The following IGF2BP2 variants were observed in gnomAD, a reference collection of about 807,000 sequenced individuals.
IGF2BP2 encodes the protein insulin-like growth factor 2 mRNA-binding protein 2.
In IGF2BP2, 17 loss-of-function variants were observed where a neutral mutation model predicts 75.8. The observed-to-expected ratio is 0.22, with a 90% CI of 0.15 to 0.34. The LOEUF (loss-of-function observed/expected upper bound fraction) is 0.34. Ranked by LOEUF, IGF2BP2 falls within the 10% of genes least tolerant of loss-of-function variation. IGF2BP2 has a pLI of 1.00. For synonymous variants in IGF2BP2, 288 were observed against 295.6 expected (o/e 0.97, Z 0.26); for missense variants, 516 against 772.4 (o/e 0.67, Z 3.93).
intron 2 of IGF2BP2, among the ~76,000 whole-genome samples, chr3:185,792,330 C>A (rs11925294): frequency 6.6e-6 from 1 of 151,884 alleles, no homozygotes; most frequent in Non-Finnish European, 1.5e-5. Context: ...CAGGGCTGGG[C>A]GGGGTGGCTC....
At chr3:185,779,722 G>T (rs980440879) in intron 2 of IGF2BP2, among the ~76,000 whole-genome samples, 5 of 151,782 alleles carry the variant, frequency 3.3e-5, no homozygotes, top group Admixed American at 6.6e-5. Context: ...AAAAGCACTG[G>T]TCTACTCTAG....
chr3:185,709,672 C>T (rs1377127532), intron 2 of IGF2BP2, among the ~76,000 whole-genome samples: 1 of 152,230 alleles, frequency 6.6e-6, no homozygotes, highest in East Asian at 1.9e-4. Flanking sequence ...TTAAATTCAT[C>T]TATAATATAG....
At chr3:185,732,694 A>G (rs1337080168) in intron 2 of IGF2BP2, among the ~76,000 whole-genome samples, 1 of 152,234 alleles carries the variant, frequency 6.6e-6, no homozygotes. Flanking sequence ...ATTTTTAATA[A>G]AATGAAGAGT....
At chr3:185,736,627 A>T (rs1728883802) in intron 2 of IGF2BP2, among the ~76,000 whole-genome samples, 1 of 152,194 alleles carries the variant, frequency 6.6e-6, no homozygotes, top group Non-Finnish European at 1.5e-5. Context: ...ACAATAAGAG[A>T]ACATCTCTGC....
At chr3:185,717,240 G>A (rs372593353) in intron 2 of IGF2BP2, 22 of 171,016 alleles carry the variant, frequency 1.3e-4, no homozygotes, top group East Asian at 6.6e-4. Context: ...CAGGACCAAC[G>A]GGCACATGGC....
At chr3:185,758,602 A>G (rs944769181) in intron 2 of IGF2BP2, among the ~76,000 whole-genome samples, 1 of 152,236 alleles carries the variant, frequency 6.6e-6, no homozygotes, top group Non-Finnish European at 1.5e-5. Flanking sequence ...TGATATCTGT[A>G]ATGTTGGGCA....
At chr3:185,816,777 T>C (rs531937944) in intron 2 of IGF2BP2, among the ~76,000 whole-genome samples, 14 of 152,350 alleles carry the variant, frequency 9.2e-5, no homozygotes, top group Middle Eastern at 3.4e-3. Flanking sequence ...GCATCAGTAC[T>C]GTATGAATAT....
chr3:185,731,650 G>A (rs987221333), intron 2 of IGF2BP2, among the ~76,000 whole-genome samples: 6 of 151,924 alleles, frequency 3.9e-5, no homozygotes, highest in Admixed American at 2.6e-4. Context: ...ATTTCTTATC[G>A]GTCTTTAAGG....
At chr3:185,660,254 T>C (rs1240232585) in intron 10 of IGF2BP2, among the ~76,000 whole-genome samples, 3 of 152,170 alleles carry the variant, frequency 2.0e-5, no homozygotes, top group Admixed American at 6.5e-5. Flanking sequence ...CCCTGCAAGA[T>C]AGTCCTCCAG....
intron 2 of IGF2BP2, chr3:185,713,295 A>T (rs1725088905): frequency 2.5e-6 from 1 of 398,850 alleles, no homozygotes; most frequent in South Asian, 1.9e-5. Flanking sequence ...TCCACTTGTT[A>T]TTGCGACTTT....
intron 14 of IGF2BP2, among the ~76,000 whole-genome samples, chr3:185,648,041 C>T (rs1432200502): frequency 2.0e-5 from 3 of 152,258 alleles, no homozygotes; most frequent in African/African-American, 7.2e-5. Context: ...TGCCCTGGAG[C>T]GCCGACTGCA....
Position 185,735,902 on chromosome 3 carries a change from AAAG to A in IGF2BP2, c.240-37558_240-37556del, listed in dbSNP as rs561802984. ...GAATGGGGGGTGGGATAGTGACACCAAAGAAGACCACAGAAAACGGGGGAGAAG... is the reference window on the plus strand; with the variant it reads ...GAATGGGGGGTGGGATAGTGACACCAAAGACCACAGAAAACGGGGGAGAAG... On this transcript the variant is annotated intron_variant, in intron 2 of 15. Coordinates refer to ENST00000382199, the MANE Select transcript of IGF2BP2 (RefSeq NM_006548.6). Among the ~76,000 whole-genome samples, 35 of 152,318 alleles carry A rather than the reference AAAG, an allele frequency of 2.3e-4. 1 individual carries two copies. The South Asian group carries it at 7.0e-3, about 31-fold the overall frequency.
At chr3:185,675,505 C>A in intron 8 of IGF2BP2, 74 bp from the exon 9 acceptor site, 4 of 1,552,316 alleles carry the variant, frequency 2.6e-6, no homozygotes, top group Non-Finnish European at 3.5e-6. Context: ...AAAAAAATCA[C>A]AAACAAGTTT....
chr3:185,801,582 T>A lies in IGF2BP2; in HGVS notation c.239+21571A>T, dbSNP rs1384394884. Among the ~76,000 whole-genome samples the A allele has an allele frequency of 2.0e-5, 3 of 151,624 alleles. No homozygotes were observed. In the South Asian group the frequency reaches 6.3e-4, roughly 32 times the overall value. ...CTTTTACGCTGTTGGGAGTGCAAAT[T>A]AGTTCAACTATTGTGGAAGACAGTG... On this transcript the variant is annotated intron_variant, in intron 2 of 15. Transcript: ENST00000382199.
intron 2 of IGF2BP2, among the ~76,000 whole-genome samples, chr3:185,764,573 G>T (rs948873671): frequency 6.6e-6 from 1 of 152,176 alleles, no homozygotes; most frequent in East Asian, 1.9e-4. Context: ...TTATCAGGAA[G>T]GGGAGTCTTG....
chr3:185,800,718 A>AAAAAAAGAAAGAAAGAAAG (rs771868332), intron 2 of IGF2BP2, among the ~76,000 whole-genome samples: 1 of 143,290 alleles, frequency 7.0e-6, no homozygotes, highest in Admixed American at 7.0e-5. Context: ...GAGCCAAAAA[A>AAAAAAAGAAAGAAAGAAAG]AAAGAAAGAA....
intron 7 of IGF2BP2, among the ~76,000 whole-genome samples, chr3:185,683,147 T>C (rs1431637543): frequency 6.6e-6 from 1 of 152,204 alleles, no homozygotes; most frequent in African/African-American, 2.4e-5. Context: ...TGCTATAACA[T>C]GAACCTTGAG....
At chr3:185,710,917 G>A (rs7646419) in intron 2 of IGF2BP2, among the ~76,000 whole-genome samples, 62,526 of 151,468 alleles carry the variant, frequency 0.41, 13,178 homozygotes, top group South Asian at 0.49. Flanking sequence ...GTAGGATACA[G>A]TGAAAAACAA....
At chr3:185,794,194 G>A (rs1467715277) in intron 2 of IGF2BP2, among the ~76,000 whole-genome samples, 4 of 151,876 alleles carry the variant, frequency 2.6e-5, no homozygotes, top group South Asian at 2.1e-4. Context: ...TCAAACTCCT[G>A]AGCTCAAGCA....
Sources: gnomAD v4.1 joint callset for allele counts (sites outside exome capture counted in the v4.1 genomes callset) on GRCh38, gnomAD v4.1.1 for gene constraint, MANE v1.5 for transcripts, NCBI Gene and HGNC (gene_info 2026-07-23, HGNC 2026-07-21) for gene names.